The following STPG2 variants were observed in gnomAD, a reference collection of about 807,000 sequenced individuals.
STPG2 encodes sperm-tail PG-rich repeat-containing protein 2.
In STPG2, 56 loss-of-function variants were observed where a neutral mutation model predicts 54.2. The observed-to-expected ratio is 1.03, with a 90% CI of 0.83 to 1.29. The LOEUF (loss-of-function observed/expected upper bound fraction) is 1.29. Among genes scored for constraint, STPG2 ranks in the 50% most tolerant of loss-of-function variants. The probability of loss-of-function intolerance (pLI) is 0.00; values close to 1 mark genes in which losing one functional copy is unlikely to be tolerated. For missense variants in STPG2, 596 were observed against 544.9 expected (o/e 1.09, Z -0.93); for synonymous variants, 200 against 181.8 (o/e 1.10, Z -0.81).
intron 5 of STPG2, among the ~76,000 whole-genome samples, chr4:97,994,946 G>A (rs1184923618): frequency 6.6e-6 from 1 of 152,086 alleles, no homozygotes; most frequent in African/African-American, 2.4e-5. Context: ...GCGTGTCTGA[G>A]CTCAGCCTCT....
At chr4:98,087,363 C>T (rs1046085489) in intron 5 of STPG2, among the ~76,000 whole-genome samples, 2 of 151,708 alleles carry the variant, frequency 1.3e-5, no homozygotes, top group Non-Finnish European at 2.9e-5. Flanking sequence ...TATTAAAAGC[C>T]CTCCATTATT....
chr4:98,033,181 G>C (rs1348950052), intron 5 of STPG2, among the ~76,000 whole-genome samples: 1 of 151,004 alleles, frequency 6.6e-6, no homozygotes, highest in Non-Finnish European at 1.5e-5. Context: ...TTTTTGAAAA[G>C]ATCAACAAAA....
chr4:97,983,461 A>G (rs986799807), intron 5 of STPG2, among the ~76,000 whole-genome samples: 4 of 152,174 alleles, frequency 2.6e-5, no homozygotes, highest in Admixed American at 6.5e-5. Context: ...TCAGAGGTCA[A>G]CTGTACTTAG....
intron 5 of STPG2, among the ~76,000 whole-genome samples, chr4:98,043,515 A>C (rs959633474): frequency 1.3e-5 from 2 of 152,032 alleles, no homozygotes; most frequent in African/African-American, 4.8e-5. Flanking sequence ...CAAGGGGCTT[A>C]CATAAAATAT....
At chr4:97,723,049 T>C (rs1189579686) in intron 9 of STPG2, among the ~76,000 whole-genome samples, 1 of 150,860 alleles carries the variant, frequency 6.6e-6, no homozygotes, top group Non-Finnish European at 1.5e-5. Flanking sequence ...CCTGACCTCT[T>C]GATCCGCCAG....
intron 9 of STPG2, among the ~76,000 whole-genome samples, chr4:97,792,274 C>T (rs1727026257): frequency 6.6e-6 from 1 of 152,152 alleles, no homozygotes; most frequent in Middle Eastern, 3.2e-3. Context: ...GATAATCCCT[C>T]AAAAATCAGC....
chr4:98,075,319 G>C (rs1237305817), intron 5 of STPG2, among the ~76,000 whole-genome samples: 1 of 152,172 alleles, frequency 6.6e-6, no homozygotes, highest in African/African-American at 2.4e-5. Context: ...TGTGAGGATT[G>C]CTTTTCTGTG....
At chr4:97,455,736 G>T (rs990451554) in intron 4 of STPG2, among the ~76,000 whole-genome samples, 5 of 152,154 alleles carry the variant, frequency 3.3e-5, no homozygotes, top group Admixed American at 6.5e-5. Context: ...TGAGGCAGAG[G>T]GTCTAATTGA....
chr4:97,531,942 C>A (rs183917418), intron 4 of STPG2, among the ~76,000 whole-genome samples: 1 of 152,068 alleles, frequency 6.6e-6, no homozygotes, highest in East Asian at 1.9e-4. Context: ...GTGGTTATTA[C>A]ACATAAAATG....
intron 10 of STPG2, among the ~76,000 whole-genome samples, chr4:97,681,084 C>T (rs1723018239): frequency 1.3e-5 from 2 of 151,978 alleles, no homozygotes; most frequent in East Asian, 1.9e-4. Flanking sequence ...TCAATTCAAA[C>T]TGCATATGTA....
At chr4:97,862,624 C>A (rs1729598562) in intron 8 of STPG2, among the ~76,000 whole-genome samples, 1 of 152,108 alleles carries the variant, frequency 6.6e-6, no homozygotes, top group Non-Finnish European at 1.5e-5. Context: ...ACGGTCCACC[C>A]CAAATCAAAA....
chr4:98,000,805 A>G (rs1417204810), intron 5 of STPG2, among the ~76,000 whole-genome samples: 4 of 152,182 alleles, frequency 2.6e-5, no homozygotes, highest in African/African-American at 9.6e-5. Context: ...TTCAAATGAG[A>G]AAAATTTAAT....
intron 8 of STPG2, among the ~76,000 whole-genome samples, chr4:97,933,310 G>A (rs1048082568): frequency 1.3e-5 from 2 of 151,928 alleles, no homozygotes; most frequent in African/African-American, 4.8e-5. Flanking sequence ...CCACTCTCTA[G>A]GTTACCTGTT....
At chr4:97,943,464 A>C (rs2149231785) in intron 8 of STPG2, among the ~76,000 whole-genome samples, 1 of 152,308 alleles carries the variant, frequency 6.6e-6, no homozygotes, top group South Asian at 2.1e-4. Flanking sequence ...AATTCAGAAA[A>C]ATTTATAGCC....
At chr4:98,085,171 G>T (rs1349819734) in intron 5 of STPG2, among the ~76,000 whole-genome samples, 2 of 151,986 alleles carry the variant, frequency 1.3e-5, no homozygotes, top group African/African-American at 4.8e-5. Flanking sequence ...ATATCCAGTT[G>T]TTCTGGCACT....
intron 10 of STPG2, among the ~76,000 whole-genome samples, chr4:97,621,797 T>A (rs1578430717): frequency 6.6e-6 from 1 of 152,160 alleles, no homozygotes; most frequent in Non-Finnish European, 1.5e-5. Context: ...ATTATCCTTA[T>A]ACCCAGGCCT....
At chr4:98,016,033 A>T (rs1735934061) in intron 5 of STPG2, among the ~76,000 whole-genome samples, 1 of 152,132 alleles carries the variant, frequency 6.6e-6, no homozygotes, top group South Asian at 2.1e-4. Context: ...CAGGGAGGGG[A>T]ACATCACACT....
intron 10 of STPG2, among the ~76,000 whole-genome samples, chr4:97,710,152 A>G (rs1489470426): frequency 6.6e-6 from 1 of 151,950 alleles, no homozygotes; most frequent in Non-Finnish European, 1.5e-5. Context: ...TTTTCTCCCT[A>G]GCTTTTATTA....
At chr4:97,585,859 A>G (rs1732984840) in intron 10 of STPG2, among the ~76,000 whole-genome samples, 1 of 151,966 alleles carries the variant, frequency 6.6e-6, no homozygotes, top group South Asian at 2.1e-4. Context: ...ACCTAAACAG[A>G]GTGACTGTCT....
Sources: gnomAD v4.1 joint callset for allele counts (sites outside exome capture counted in the v4.1 genomes callset) on GRCh38, gnomAD v4.1.1 for gene constraint, MANE v1.5 for transcripts, NCBI Gene and HGNC (gene_info 2026-07-23, HGNC 2026-07-21) for gene names.